Variants in AGAP9 observed in about 807,000 individuals in gnomAD.
AGAP9 encodes ArfGAP with GTPase domain, ankyrin repeat and PH domain 9.
AGAP9 carries 23 observed loss-of-function variants against 55.6 expected under a neutral mutation model. That is an observed-to-expected ratio of 0.41 (90% CI 0.30 to 0.59). AGAP9 has a LOEUF of 0.59. Ranked by LOEUF, AGAP9 falls within the 20% of genes least tolerant of loss-of-function variation. The pLI is 0.25. For synonymous variants in AGAP9, 120 were observed against 305.0 expected (o/e 0.39, Z 6.32); for missense variants, 309 against 808.1 (o/e 0.38, Z 7.49).
intron 4 of AGAP9, among the ~76,000 whole-genome samples, chr10:47,514,152 C>T (rs1840684187): frequency 7.0e-6 from 1 of 143,118 alleles, no homozygotes; most frequent in African/African-American, 2.6e-5. Context: ...TATCCAGAAT[C>T]TATGAGGAAC....
At position 47,522,284 on chromosome 10, in the gene AGAP9, T is replaced by C. The variant is rs1375379854; in HGVS notation, c.292+582A>G. Among the ~76,000 whole-genome samples, 190 of 145,074 alleles carry C rather than the reference T, an allele frequency of 1.3e-3. 6 individuals are homozygous for C. Among genetic ancestry groups the C allele is most frequent in the African/African-American group, 4.6e-3 (179 of 38,524 alleles). ...ACCGTGAACCAATCCCCACCTCTCT[T>C]TTAGAACAAGGAGGTAAATAAAGTC... On this transcript the variant is annotated intron_variant, in intron 2 of 7. Transcript: ENST00000452145.
chr10:47,503,911 G>T (rs1182037587), intron 7 of AGAP9, among the ~76,000 whole-genome samples: 2 of 62,938 alleles, frequency 3.2e-5, no homozygotes, highest in East Asian at 2.2e-3. Flanking sequence ...TTGCACTCCA[G>T]CCTGGGCTAC....
In AGAP9 at chr10:47,513,565, A is replaced by G. The variant is rs1353857089; in HGVS notation, c.397-3294T>C. On this transcript the variant is annotated intron_variant, in intron 4 of 7. Transcript: ENST00000452145. ...TGAAATTTATATGGACCAAACAAGA[A>G]CCGGCACAGCCAAAACAAAACTAAG... 2.1e-5 allele frequency among the ~76,000 whole-genome samples: 3 copies of G among 141,330 alleles called. 1 individual carries two copies. Among genetic ancestry groups the G allele is most frequent in the Non-Finnish European group, 1.5e-5 (1 of 65,034 alleles). 92.7% of individuals were successfully genotyped at this position (141,330 alleles called of 152,430 possible). A position where few individuals can be genotyped will look rare whatever the true frequency, so the allele number is the denominator to read the frequency against.
chr10:47,504,811 A>C, intron 6 of AGAP9, among the ~76,000 whole-genome samples: 2 of 127,056 alleles, frequency 1.6e-5, no homozygotes, highest in Admixed American at 8.3e-5. Context: ...GATCCCGAAG[A>C]CCCCTTCCAG....
At chr10:47,521,962 T>C (rs1840854087) in intron 2 of AGAP9, among the ~76,000 whole-genome samples, 2 of 150,706 alleles carry the variant, frequency 1.3e-5, no homozygotes, top group East Asian at 4.0e-4. Flanking sequence ...TGTATTTTCT[T>C]TTTTAGTAGA....
At chr10:47,521,929 C>T (rs1457756851) in intron 2 of AGAP9, among the ~76,000 whole-genome samples, 19 of 150,106 alleles carry the variant, frequency 1.3e-4, no homozygotes, top group Non-Finnish European at 2.2e-4. Context: ...TACAGTCATG[C>T]GCCACTACGC....
intron 7 of AGAP9, among the ~76,000 whole-genome samples, chr10:47,503,766 A>G (rs1176449243): frequency 7.4e-6 from 1 of 135,124 alleles, no homozygotes; most frequent in Non-Finnish European, 1.6e-5. Flanking sequence ...TTTACAAAAA[A>G]AAAAAAAAGA....
rs1474977964 is a variant in AGAP9, at chr10:47,519,516, C to G, written c.361+983G>C. On this transcript the variant is annotated intron_variant, in intron 3 of 7. Coordinates refer to ENST00000452145, the MANE Select transcript of AGAP9 (RefSeq NM_001190810.1). ...TGGTACCTTCCCCCTTCCCCTCTCT[C>G]TTTCACCGTGTGGAACCACCTGCTT... 4.5e-5 allele frequency among the ~76,000 whole-genome samples: 5 copies of G among 111,296 alleles called. 1 individual carries two copies. The highest frequency in any genetic ancestry group is 1.8e-4 in the African/African-American group (5 of 28,384). 73.0% of individuals were successfully genotyped at this position (111,296 alleles called of 152,430 possible).
intron 7 of AGAP9, among the ~76,000 whole-genome samples, chr10:47,503,937 CAAAAAAAAA>C (rs1186798630): frequency 4.3e-5 from 1 of 23,442 alleles, no homozygotes; most frequent in Non-Finnish European, 6.8e-5. Flanking sequence ...GAGAGTCCAT[CAAAAAAAAA>C]AAAAAAAAAA....
rs1189818727 is a variant in AGAP9, at chr10:47,503,545, T to G, written c.586-2A>C. The G allele has an allele frequency of 2.5e-6, 4 of 1,599,536 alleles. No homozygotes were observed. The highest frequency in any genetic ancestry group is 3.4e-6 in the Non-Finnish European group (4 of 1,175,270). On this transcript the variant is annotated splice_acceptor_variant, in intron 7 of 7. Coordinates refer to ENST00000452145, the MANE Select transcript of AGAP9 (RefSeq NM_001190810.1). LOFTEE classifies it high-confidence loss of function. ...CTTCATAATGTGCACGGTGGAAACC[T>G]GTGTGGAACAGGAGGAGGAATGGCT...
rs1416889955 is a variant in AGAP9 at position 47,511,138 on chromosome 10, T to A, written c.397-867A>T. 2.3e-5 allele frequency among the ~76,000 whole-genome samples: 3 copies of A among 131,700 alleles called. 1 individual carries two copies. Among genetic ancestry groups the A allele is most frequent in the Non-Finnish European group, 4.7e-5 (3 of 63,794 alleles). The allele number at this position is 131,700 out of a possible 152,430, so 86.4% of individuals were successfully genotyped here. A position where few individuals can be genotyped will look rare whatever the true frequency, so the allele number is the denominator to read the frequency against. ...TTTTGTATTTTTAGTAGAGACGGGG[T>A]TTCACCGTGTTAGCCAGGATGGTCT... On this transcript the variant is annotated intron_variant, in intron 4 of 7. Coordinates refer to ENST00000452145, the MANE Select transcript of AGAP9 (RefSeq NM_001190810.1).
Position 47,510,129 on chromosome 10 carries a change from C to T in AGAP9, c.497+42G>A, listed in dbSNP as rs1239762061. 311 of 1,189,736 alleles carry T rather than the reference C, an allele frequency of 2.6e-4. 22 individuals are homozygous for T. The African/African-American group carries it at 3.8e-3, about 15-fold the overall frequency. The allele number at this position is 1,189,736 out of a possible 1,614,324, so 73.7% of individuals were successfully genotyped here. On this transcript the variant is annotated intron_variant, in intron 5 of 7. Transcript: ENST00000452145. Reference sequence around the variant, plus strand: ...ACAACCAAATGGCTGAAATAATTTCCGAATAAAGGAATCTGTCCCTCGGCA... The same window carrying T: ...ACAACCAAATGGCTGAAATAATTTCTGAATAAAGGAATCTGTCCCTCGGCA...
At chr10:47,521,753 A>G (rs1840844108) in intron 2 of AGAP9, among the ~76,000 whole-genome samples, 2 of 151,284 alleles carry the variant, frequency 1.3e-5, no homozygotes, top group South Asian at 2.1e-4. Context: ...GCCTCTGCCA[A>G]CAGTGTAGAG....
At position 47,502,012 on chromosome 10, in the gene AGAP9, G is replaced by A; in HGVS notation, c.*140C>T. 1 of 1,389,318 alleles carries A rather than the reference G, an allele frequency of 7.2e-7. No homozygotes were observed. Among genetic ancestry groups the A allele is most frequent in the Non-Finnish European group, 9.9e-7 (1 of 1,014,122 alleles). 86.1% of individuals were successfully genotyped at this position (1,389,318 alleles called of 1,614,324 possible). A position where few individuals can be genotyped will look rare whatever the true frequency, so the allele number is the denominator to read the frequency against. ...TTGTGATTTCCTTTTGAAATTCTGA[G>A]TTATCCTTATTTTTCCCATTTTGTT... On this transcript the variant is annotated 3_prime_UTR_variant, in exon 8 of 8. Transcript: ENST00000452145.
intron 3 of AGAP9, among the ~76,000 whole-genome samples, chr10:47,519,241 G>A (rs1840773171): frequency 7.7e-6 from 1 of 129,742 alleles, no homozygotes; most frequent in Admixed American, 7.9e-5. Flanking sequence ...GCTGAAGCGG[G>A]TAGATCACTT....
In AGAP9 at chr10:47,502,445, C is replaced by T. The variant is rs1840371457; in HGVS notation, c.1684G>A (p.Glu562Lys). ...TKPSIKSTRE[E>K]KEWWIRSKYE... ...TTGGAACGGATCCACCATTCCTTCT[C>T]TTCCCTCGTGGACTTTATTGAGGGT... Residue 562 changes from glutamate to lysine, a missense_variant, in exon 8 of 8, where the codon GAG (glutamate) becomes AAG (lysine). By Grantham distance (56) the Glu-to-Lys change is moderately conservative. Coordinates refer to ENST00000452145, the MANE Select transcript of AGAP9 (RefSeq NM_001190810.1). 1.2e-6 allele frequency: 2 copies of T among 1,612,232 alleles called. No individual in the cohort carries two copies. The highest frequency in any genetic ancestry group is 8.5e-7 in the Non-Finnish European group (1 of 1,179,926).
intron 4 of AGAP9, among the ~76,000 whole-genome samples, chr10:47,510,829 C>T (rs1408561600): frequency 1.2e-3 from 32 of 27,326 alleles, no homozygotes; most frequent in African/African-American, 5.3e-3. Context: ...GACTCCGTCT[C>T]AAAAAAAAAA....
intron 2 of AGAP9, among the ~76,000 whole-genome samples, chr10:47,521,185 A>T (rs1382080612): frequency 7.8e-6 from 1 of 127,574 alleles, no homozygotes; most frequent in Non-Finnish European, 1.6e-5. Flanking sequence ...GACATACATA[A>T]ACTGTGTTGT....
Position 47,502,215 on chromosome 10 carries a change from G to A in AGAP9, c.1914C>T (p.Val638=). 1 of 1,560,440 alleles carries A rather than the reference G, an allele frequency of 6.4e-7. No homozygotes were observed. Among genetic ancestry groups the A allele is most frequent in the Non-Finnish European group, 8.7e-7 (1 of 1,155,040 alleles). Residue 638 remains valine, a synonymous_variant, in exon 8 of 8, where the codon GTC becomes GTT. Transcript: ENST00000452145. The part of the protein sequence containing the change: ...LHLACRKGNV[V]LEQLLTGWTS... ...TCCACCCCGTCAGGAGCTGCTCCAG[G>A]ACCACATTCCCCTTGCGGCAGGCCA...
Sources: gnomAD v4.1 joint callset for allele counts (sites outside exome capture counted in the v4.1 genomes callset) on GRCh38, gnomAD v4.1.1 for gene constraint, MANE v1.5 for transcripts, NCBI Gene and HGNC (gene_info 2026-07-23, HGNC 2026-07-21) for gene names.